UNC13B: variants seen among roughly 807,000 people sequenced by gnomAD.
The protein encoded by UNC13B is protein unc-13 homolog B.
A neutral mutation model predicts 211.0 loss-of-function variants in UNC13B; 144 were observed. The observed-to-expected ratio is 0.68, with a 90% confidence interval of 0.60 to 0.78. The LOEUF is 0.78. UNC13B is among the 30% of genes least tolerant of loss of function. The pLI is 0.00. For missense variants in UNC13B, 1,777 were observed against 2,002.0 expected, an observed-to-expected ratio of 0.89 and a Z score of 2.14; for synonymous variants, 709 against 725.8, an observed-to-expected ratio of 0.98 and a Z score of 0.37.
chr9:35,342,907 A>C (rs917613251), intron 11 of UNC13B, among the ~76,000 whole-genome samples: 6 of 151,954 alleles, frequency 3.9e-5, no homozygotes, highest in Non-Finnish European at 5.9e-5. Flanking sequence ...GAGAGAGAGA[A>C]AGAGAGAGAG....
chr9:35,313,102 C>T (rs552248035), intron 10 of UNC13B, among the ~76,000 whole-genome samples: 83 of 152,296 alleles, frequency 5.4e-4, no homozygotes, highest in Non-Finnish European at 1.2e-4. Context: ...TATTCCACCC[C>T]TCTCTGCATG....
At chr9:35,226,498 C>T (rs986550426) in intron 1 of UNC13B, among the ~76,000 whole-genome samples, 7 of 152,146 alleles carry the variant, frequency 4.6e-5, no homozygotes, top group Middle Eastern at 3.2e-3. Context: ...CTGCAAACTG[C>T]GGAGCTGGGA....
chr9:35,256,716 A>G (rs1587481510), intron 6 of UNC13B, among the ~76,000 whole-genome samples: 1 of 152,218 alleles, frequency 6.6e-6, no homozygotes, highest in African/African-American at 2.4e-5. Context: ...TAACACACAT[A>G]TGTGTGCACA....
At chr9:35,391,934 C>A (rs748994341) in intron 26 of UNC13B, among the ~76,000 whole-genome samples, 1 of 152,174 alleles carries the variant, frequency 6.6e-6, no homozygotes, top group African/African-American at 2.4e-5. Context: ...GCTGAGATTT[C>A]TTTTGAAAGG....
intron 7 of UNC13B, among the ~76,000 whole-genome samples, chr9:35,289,381 G>A (rs1272540289): frequency 6.6e-6 from 1 of 152,192 alleles, no homozygotes; most frequent in Non-Finnish European, 1.5e-5. Flanking sequence ...CCTTGGGACT[G>A]TCAGAGGGTG....
At chr9:35,217,760 A>G (rs1824338409) in intron 1 of UNC13B, among the ~76,000 whole-genome samples, 1 of 152,172 alleles carries the variant, frequency 6.6e-6, no homozygotes, top group Admixed American at 6.5e-5. Context: ...GAAAATAATT[A>G]AGGCTGGGTG....
rs1246446836 is a variant in UNC13B, at chr9:35,366,985, C to T, written c.9453C>T (p.Leu3151=). The change falls in exon 12 of 40, where the codon CTC becomes CTT. Residue 3151 remains leucine, a synonymous_variant. Coordinates refer to ENST00000635942, the MANE Select transcript of UNC13B (RefSeq NM_001371189.2). ...GTGACCCCTCTCTGCCTCAGTGGCTCCCGGAAGGGTAAGTAATTCACTGCA... is the reference window on the plus strand; with the variant it reads ...GTGACCCCTCTCTGCCTCAGTGGCTTCCGGAAGGGTAAGTAATTCACTGCA... The part of the protein sequence containing the change: ...DDGDPSLPQW[L]PEGPAGGLYG... 1.9e-6 allele frequency: 3 copies of T among 1,613,804 alleles called. No homozygotes were observed. Among genetic ancestry groups the T allele is most frequent in the East Asian group, 2.2e-5 (1 of 44,880 alleles).
At chr9:35,395,814 T>G (rs928356061) in intron 26 of UNC13B, among the ~76,000 whole-genome samples, 1 of 152,184 alleles carries the variant, frequency 6.6e-6, no homozygotes, top group African/African-American at 2.4e-5. Context: ...GCATGATATG[T>G]CCTTTCATCT....
At chr9:35,357,223 C>G (rs934300561) in intron 11 of UNC13B, among the ~76,000 whole-genome samples, 1 of 152,188 alleles carries the variant, frequency 6.6e-6, no homozygotes, top group Non-Finnish European at 1.5e-5. Context: ...TCTAATTTCT[C>G]TACATCCTTG....
At chr9:35,399,102 C>T in intron 33 of UNC13B, 59 bp from the exon 34 acceptor site, 1 of 1,614,062 alleles carries the variant, frequency 6.2e-7, no homozygotes, top group South Asian at 1.1e-5. Context: ...AAGGGAGCCC[C>T]TTGGGGAGAG....
chr9:35,375,313 C>A, intron 14 of UNC13B, 112 bp downstream of exon 14: 1 of 1,150,630 alleles, frequency 8.7e-7, no homozygotes. Context: ...GCTGGACACA[C>A]ATTGCTGATG....
chr9:35,374,529 G>A (rs577880778), intron 13 of UNC13B, among the ~76,000 whole-genome samples: 1 of 151,734 alleles, frequency 6.6e-6, no homozygotes, highest in East Asian at 1.9e-4. Context: ...CAAGAGTGTG[G>A]CTAGCAAGGC....
chr9:35,265,940 C>T (rs1246245289), intron 7 of UNC13B, among the ~76,000 whole-genome samples: 2 of 152,162 alleles, frequency 1.3e-5, no homozygotes, highest in African/African-American at 2.4e-5. Flanking sequence ...ATTCTCCTGC[C>T]TCAGCCTCCG....
intron 11 of UNC13B, among the ~76,000 whole-genome samples, chr9:35,355,851 G>A (rs1276898018): frequency 6.6e-6 from 1 of 152,120 alleles, no homozygotes; most frequent in East Asian, 1.9e-4. Flanking sequence ...AAATATCAAA[G>A]CAATACTTCT....
rs919095741 is a variant in UNC13B at position 35,402,015 on chromosome 9, G to A, written c.12485-1152G>A. ...ACATTCGTCCGGAAAAGGGTATGTT[G>A]TACACCGTGCAGATATGGATCTAAC... On this transcript the variant is annotated intron_variant, in intron 37 of 39. Transcript: ENST00000635942. 3.9e-6 allele frequency: 6 copies of A among 1,550,134 alleles called. No homozygotes were observed. In the African/African-American group the frequency reaches 8.2e-5, roughly 21 times the overall value.
At chr9:35,396,959 C>T (rs904286838) in intron 28 of UNC13B, 22 bp downstream of exon 28, 1 of 1,613,432 alleles carries the variant, frequency 6.2e-7, no homozygotes. Flanking sequence ...GCTTTGGCTG[C>T]ACCGGGTTCA....
At position 35,302,972 on chromosome 9, in the gene UNC13B, C is replaced by T. The variant is rs1829758708; in HGVS notation, c.3568C>T (p.Leu1190=). 2 of 398,536 alleles carry T rather than the reference C, an allele frequency of 5.0e-6. No individual in the cohort carries two copies. The highest frequency in any genetic ancestry group is 2.5e-4 in the South Asian group (2 of 7,852). 24.7% of individuals were successfully genotyped at this position (398,536 alleles called of 1,614,324 possible). A position where few individuals can be genotyped will look rare whatever the true frequency, so the allele number is the denominator to read the frequency against. Residue 1190 remains leucine (L), a synonymous_variant, in exon 9 of 40, where the codon CTA becomes TTA. Transcript: ENST00000635942. ...TTTAATCTCTGGAATATTTAACCTG[C>T]TATCAAATAGCGGTATGATTGATCA... ...PGLISGIFNL[L]SNSGMIDHKP...
chr9:35,198,138 A>G (rs140773615), intron 1 of UNC13B, among the ~76,000 whole-genome samples: 2 of 152,164 alleles, frequency 1.3e-5, no homozygotes, highest in East Asian at 1.9e-4. Flanking sequence ...ATTTGGATCT[A>G]TGTCTCTACC....
intron 1 of UNC13B, among the ~76,000 whole-genome samples, chr9:35,215,461 T>C (rs1389019839): frequency 6.6e-6 from 1 of 152,204 alleles, no homozygotes; most frequent in African/African-American, 2.4e-5. Context: ...TAATTATGTC[T>C]AATATGTTAC....
Sources: allele counts gnomAD v4.1 joint callset (sites outside exome capture counted in the v4.1 genomes callset), GRCh38; gene constraint gnomAD v4.1.1; transcripts MANE v1.5; gene names NCBI Gene and HGNC (gene_info 2026-07-23, HGNC 2026-07-21).